Variants in ADAMTS18 observed in about 807,000 individuals in gnomAD.
The protein encoded by ADAMTS18 is ADAM metallopeptidase with thrombospondin type 1 motif 18.
Under a neutral mutation model 165.9 loss-of-function variants are expected in ADAMTS18, and 157 were observed. That is an observed-to-expected ratio of 0.95 (90% CI 0.83 to 1.08). ADAMTS18 has a LOEUF of 1.08. Among genes scored for constraint, ADAMTS18 ranks in the 50% least tolerant of loss-of-function variants. The pLI is 0.00. For missense variants in ADAMTS18, 2,040 were observed against 1,534.0 expected (o/e 1.33, Z -5.51); for synonymous variants, 782 against 578.2 (o/e 1.35, Z -5.06).
At chr16:77,331,482 C>CATTA (rs200213835) in intron 12 of ADAMTS18, among the ~76,000 whole-genome samples, 1,640 of 152,246 alleles carry the variant, frequency 0.011, 29 homozygotes, top group African/African-American at 0.037. Context: ...AAAACAACAT[C>CATTA]ATTGTTTTAA....
intron 16 of ADAMTS18, among the ~76,000 whole-genome samples, chr16:77,312,771 G>A (rs577317500): frequency 8.2e-4 from 125 of 152,202 alleles, no homozygotes; most frequent in Middle Eastern, 3.4e-3. Context: ...TTAGAATGGC[G>A]ATCATTAAAA....
At chr16:77,338,486 C>T (rs8048973) in intron 11 of ADAMTS18, among the ~76,000 whole-genome samples, 1,631 of 151,866 alleles carry the variant, frequency 0.011, 28 homozygotes, top group African/African-American at 0.037. Context: ...ATATGCCCGC[C>T]GAGGCCCCCC....
intron 3 of ADAMTS18, among the ~76,000 whole-genome samples, chr16:77,382,427 G>A (rs982777614): frequency 3.8e-4 from 58 of 152,118 alleles, no homozygotes; most frequent in Non-Finnish European, 1.0e-4. Flanking sequence ...AGCCAGGATG[G>A]TCTCGATCTC....
At chr16:77,352,719 G>A (rs1179463356) in intron 10 of ADAMTS18, among the ~76,000 whole-genome samples, 5 of 151,950 alleles carry the variant, frequency 3.3e-5, no homozygotes, top group Non-Finnish European at 7.4e-5. Flanking sequence ...GGAAAGAGGA[G>A]CTATAAACCT....
At chr16:77,434,348 T>A in intron 2 of ADAMTS18, 70 bp downstream of exon 2, 1 of 1,517,474 alleles carries the variant, frequency 6.6e-7, no homozygotes, top group Non-Finnish European at 8.8e-7. Context: ...CCATCTTTTC[T>A]CTCTTTGGGG....
Position 77,328,277 on chromosome 16 carries a change from C to T in ADAMTS18, c.1860-2239G>A, listed in dbSNP as rs185883107. 2.0e-5 allele frequency among the ~76,000 whole-genome samples: 3 copies of T among 152,232 alleles called. No homozygotes were observed. In the East Asian group the frequency reaches 5.8e-4, roughly 29 times the overall value. Reference sequence around the variant, plus strand: ...ACAAAGATGTGGCTTCTTGTCACTCCTCCCATTTTGAGGTTTTCTCTGAAG... The same window carrying T: ...ACAAAGATGTGGCTTCTTGTCACTCTTCCCATTTTGAGGTTTTCTCTGAAG... On this transcript the variant is annotated intron_variant, in intron 12 of 22. Transcript: ENST00000282849.
At chr16:77,396,018 G>A (rs1432112161) in intron 3 of ADAMTS18, among the ~76,000 whole-genome samples, 2 of 152,144 alleles carry the variant, frequency 1.3e-5, no homozygotes, top group Non-Finnish European at 2.9e-5. Context: ...CTAGGGTAGG[G>A]ACAAGACCAT....
intron 10 of ADAMTS18, among the ~76,000 whole-genome samples, chr16:77,350,648 G>T (rs1347475718): frequency 3.3e-5 from 5 of 152,140 alleles, no homozygotes; most frequent in Non-Finnish European, 7.3e-5. Flanking sequence ...ATGTGTATGT[G>T]TGAACGTTCA....
At chr16:77,367,022 G>C (rs540220426) in intron 4 of ADAMTS18, among the ~76,000 whole-genome samples, 15 of 152,240 alleles carry the variant, frequency 9.9e-5, no homozygotes, top group African/African-American at 3.6e-4. Flanking sequence ...CATGCTCAAG[G>C]ATACCTGTGT....
intron 16 of ADAMTS18, among the ~76,000 whole-genome samples, chr16:77,317,966 C>G (rs1157092747): frequency 6.6e-6 from 1 of 152,180 alleles, no homozygotes; most frequent in Non-Finnish European, 1.5e-5. Flanking sequence ...TGATTGAGGA[C>G]ACAGCATGCT....
At chr16:77,425,653 C>G (rs142515814) in intron 3 of ADAMTS18, among the ~76,000 whole-genome samples, 1 of 152,182 alleles carries the variant, frequency 6.6e-6, no homozygotes, top group Non-Finnish European at 1.5e-5. Flanking sequence ...TGTCCAGGTA[C>G]AAGTAAAGTA....
intron 3 of ADAMTS18, among the ~76,000 whole-genome samples, chr16:77,411,670 A>C (rs945243554): frequency 7.0e-6 from 1 of 141,914 alleles, no homozygotes; most frequent in East Asian, 2.0e-4. Flanking sequence ...ACCACAGAGT[A>C]TCCAGAATTT....
In ADAMTS18 at chr16:77,353,795, C is replaced by G. The variant is rs1382363629; in HGVS notation, c.1552G>C (p.Asp518His). The G allele has an allele frequency of 1.2e-6, 2 of 1,614,042 alleles. No individual in the cohort carries two copies. The highest frequency in any genetic ancestry group is 1.7e-6 in the Non-Finnish European group (2 of 1,180,030). The change falls in exon 10 of 23, where the codon GAC (aspartate) becomes CAC (histidine). Residue 518 changes from aspartate (D) to histidine (H), a missense_variant. Coordinates refer to ENST00000282849, the MANE Select transcript of ADAMTS18 (RefSeq NM_199355.4). ...DKLPGQIYDA[D>H]TQCKWQFGAK... ...CCAAATTGCCATTTACACTGTGTGT[C>G]AGCATCATAAATCTGTCCTGGTAGT...
intron 11 of ADAMTS18, among the ~76,000 whole-genome samples, chr16:77,338,839 A>T (rs1325675455): frequency 6.6e-6 from 1 of 151,658 alleles, no homozygotes; most frequent in East Asian, 2.0e-4. Flanking sequence ...CTGTAGTTCC[A>T]GCTACTCGGG....
intron 12 of ADAMTS18, among the ~76,000 whole-genome samples, chr16:77,333,910 G>A (rs1458526063): frequency 7.0e-6 from 1 of 143,274 alleles, no homozygotes; most frequent in East Asian, 2.0e-4. Flanking sequence ...AATATATAGT[G>A]TCCTATATAC....
intron 3 of ADAMTS18, among the ~76,000 whole-genome samples, chr16:77,392,986 T>C (rs1249635085): frequency 6.6e-6 from 1 of 151,068 alleles, no homozygotes; most frequent in Non-Finnish European, 1.5e-5. Context: ...ATGTAGGCAG[T>C]AAAGAAAAAA....
chr16:77,364,569 T>A (rs1033516256), intron 4 of ADAMTS18, among the ~76,000 whole-genome samples, 188 bp from the exon 5 acceptor site: 1 of 144,604 alleles, frequency 6.9e-6, no homozygotes, highest in Non-Finnish European at 1.5e-5. Context: ...AAGGGCCTAC[T>A]CAATAAATGT....
intron 16 of ADAMTS18, among the ~76,000 whole-genome samples, chr16:77,303,136 A>G (rs2055616803): frequency 1.3e-5 from 2 of 152,162 alleles, no homozygotes; most frequent in Admixed American, 6.5e-5. Flanking sequence ...TCTTTACTAC[A>G]CACTGATTCC....
At position 77,379,420 on chromosome 16, in the gene ADAMTS18, G is replaced by C. The variant is rs146241079; in HGVS notation, c.496-11697C>G. The stretch of plus-strand genomic sequence containing the variant: ...AACTAAGCAAAGTGGACTTTATGGA[G>C]AATGTGGCAGAATAGACTGTGACCA... On this transcript the variant is annotated intron_variant, in intron 3 of 22. Transcript: ENST00000282849. Among the ~76,000 whole-genome samples the C allele has an allele frequency of 4.8e-3, 738 of 152,286 alleles. 3 individuals carry two copies. Among genetic ancestry groups the C allele is most frequent in the East Asian group, 0.014 (70 of 5,182 alleles).
Sources: gnomAD v4.1 joint callset for allele counts (sites outside exome capture counted in the v4.1 genomes callset) on GRCh38, gnomAD v4.1.1 for gene constraint, MANE v1.5 for transcripts, NCBI Gene and HGNC (gene_info 2026-07-23, HGNC 2026-07-21) for gene names.